The following KDM2B variants were observed in gnomAD, a reference collection of about 807,000 sequenced individuals.
The protein encoded by KDM2B is lysine-specific demethylase 2B.
KDM2B carries 26 observed loss-of-function variants against 150.0 expected under a neutral mutation model. That is an observed-to-expected ratio of 0.17 (90% CI 0.13 to 0.24). The LOEUF is 0.24. KDM2B is among the 10% of genes least tolerant of loss of function. The pLI, the probability that KDM2B is intolerant of heterozygous loss-of-function variation, is 1.00. For missense variants in KDM2B, 1,265 were observed against 1,816.9 expected (o/e 0.70, Z 5.52); for synonymous variants, 734 against 729.5 (o/e 1.01, Z -0.10).
rs891217463 is a variant in KDM2B at position 121,468,976 on chromosome 12, C to A, written c.1735-15632G>T. On this transcript the variant is annotated intron_variant, in intron 12 of 22. Coordinates refer to ENST00000377071, the MANE Select transcript of KDM2B (RefSeq NM_032590.5). The surrounding 1 kb of genome is among the most constrained non-coding windows in gnomAD (Gnocchi z 4.0). ...TGCAGTGGATCTCGGCTCACTGCAA[C>A]CTCCACCTCCTGGGTTCAATCGATT... 1.3e-5 allele frequency: 2 copies of A among 152,116 alleles called. No individual in the cohort carries two copies. The highest frequency in any genetic ancestry group is 2.4e-5 in the African/African-American group (1 of 41,412). 9.4% of individuals were successfully genotyped at this position (152,116 alleles called of 1,614,324 possible).
intron 22 of KDM2B, among the ~76,000 whole-genome samples, chr12:121,438,831 A>T (rs1442748328): frequency 2.1e-5 from 3 of 139,988 alleles, no homozygotes; most frequent in Non-Finnish European, 4.7e-5. Context: ...TTCTAAGGGT[A>T]AAAAAAAAAA....
At chr12:121,445,029 G>A (rs1454845600) in intron 14 of KDM2B, 1 of 516,828 alleles carries the variant, frequency 1.9e-6, no homozygotes, top group Non-Finnish European at 3.4e-6. Context: ...TGAGGCTCTG[G>A]AAACCCTCTC....
At chr12:121,457,675 T>C (rs1170397199) in intron 12 of KDM2B, among the ~76,000 whole-genome samples, 1 of 151,716 alleles carries the variant, frequency 6.6e-6, no homozygotes, top group Non-Finnish European at 1.5e-5. Context: ...GGCGACTTGT[T>C]GATTTTATCA....
At chr12:121,422,692 C>G in the KDM2B span, among the ~76,000 whole-genome samples, 9 of 152,236 alleles carry the variant, frequency 5.9e-5, no homozygotes, top group Non-Finnish European at 8.8e-5. Context: ...GCACCCAAAT[C>G]CATAGCCCTA....
chr12:121,538,068 G>GC (rs1888304773), intron 6 of KDM2B, among the ~76,000 whole-genome samples: 1 of 151,548 alleles, frequency 6.6e-6, no homozygotes, highest in African/African-American at 2.4e-5. Context: ...AGGACGCGGG[G>GC]CCCCCGCTCG....
chr12:121,502,014 A>C (rs56177559), intron 11 of KDM2B, among the ~76,000 whole-genome samples: 3,770 of 152,296 alleles, frequency 0.025, 142 homozygotes, highest in African/African-American at 0.087. Flanking sequence ...AAGAGGCCGC[A>C]TCAATGAACA....
chr12:121,473,826 G>A (rs1466498470), intron 12 of KDM2B, among the ~76,000 whole-genome samples: 1 of 151,628 alleles, frequency 6.6e-6, no homozygotes, highest in Non-Finnish European at 1.5e-5. Flanking sequence ...AGGTAGAAAC[G>A]ATTCAAATAT....
In KDM2B at chr12:121,494,460, C is replaced by A. The variant is rs1883688809; in HGVS notation, c.1734+119G>T. The A allele has an allele frequency of 6.0e-6, 4 of 663,786 alleles. No homozygotes were observed. The East Asian group carries it at 1.2e-4, about 19-fold the overall frequency. The allele number at this position is 663,786 out of a possible 1,614,324, so 41.1% of individuals were successfully genotyped here. On this transcript the variant is annotated intron_variant, in intron 12 of 22. Transcript: ENST00000377071. ...AAATCACCAAAATCCTTCATCTTAA[C>A]TGCGGTGCCTTCATCTCAGGAGGCC...
chr12:121,500,872 G>A (rs368618329), intron 11 of KDM2B, among the ~76,000 whole-genome samples: 32 of 152,240 alleles, frequency 2.1e-4, no homozygotes, highest in African/African-American at 6.0e-4. Context: ...AGGCCGAGGC[G>A]GGCGGATCAC....
downstream of KDM2B, chr12:121,424,435 A>G (rs1390477671): frequency 2.0e-5 from 3 of 152,344 alleles, no homozygotes; most frequent in African/African-American, 7.2e-5. Flanking sequence ...AGCACCTTCA[A>G]AGATGTCACA....
chr12:121,409,626 G>T, the KDM2B span: 1 of 152,238 alleles, frequency 6.6e-6, no homozygotes, highest in African/African-American at 2.4e-5. Flanking sequence ...AGTGAAATCA[G>T]AACCTCTGGG....
the KDM2B span, chr12:121,416,303 C>T: frequency 6.2e-7 from 1 of 1,614,152 alleles, no homozygotes; most frequent in Non-Finnish European, 8.5e-7. Context: ...TTCCACCTAC[C>T]CACCAGCAGC....
chr12:121,526,422 G>T (rs1333967758), intron 8 of KDM2B, among the ~76,000 whole-genome samples: 2 of 152,116 alleles, frequency 1.3e-5, no homozygotes. Flanking sequence ...CAAGAAGGAG[G>T]ACCAGATCCC....
intron 22 of KDM2B, among the ~76,000 whole-genome samples, chr12:121,437,617 T>C (rs1874224633): frequency 6.6e-6 from 1 of 152,142 alleles, no homozygotes; most frequent in Admixed American, 6.5e-5. Context: ...TTTAAGGCAT[T>C]GTCTCAGGTA....
chr12:121,544,461 TTAG>T (rs1888860545), intron 6 of KDM2B, among the ~76,000 whole-genome samples: 1 of 151,150 alleles, frequency 6.6e-6, no homozygotes, highest in Non-Finnish European at 1.5e-5. Flanking sequence ...AATATAAACA[TTAG>T]CCGGGTGTGT....
chr12:121,489,430 C>T lies in KDM2B; in HGVS notation c.1734+5149G>A, dbSNP rs1234207650. Among the ~76,000 whole-genome samples the T allele has an allele frequency of 5.9e-5, 9 of 151,398 alleles. 1 individual carries two copies. Among genetic ancestry groups the T allele is most frequent in the Middle Eastern group, 3.2e-3 (1 of 314 alleles). On this transcript the variant is annotated intron_variant, in intron 12 of 22. Coordinates refer to ENST00000377071, the MANE Select transcript of KDM2B (RefSeq NM_032590.5). ...GACTACAGGCGTGAGCCACCGCACC[C>T]GCCCCTGAGAAGCTTTTATTTTTTA...
At chr12:121,508,586 C>T (rs1885299724) in intron 11 of KDM2B, among the ~76,000 whole-genome samples, 1 of 152,150 alleles carries the variant, frequency 6.6e-6, no homozygotes, top group South Asian at 2.1e-4. Flanking sequence ...CCAGACGCCT[C>T]GGAGGCCTCA....
chr12:121,496,003 G>A (rs1331237034), intron 11 of KDM2B, among the ~76,000 whole-genome samples: 8 of 152,038 alleles, frequency 5.3e-5, no homozygotes, highest in African/African-American at 1.9e-4. Context: ...CCAGACTTTG[G>A]CCTTGTGTGG....
intron 22 of KDM2B, among the ~76,000 whole-genome samples, chr12:121,432,763 A>G (rs1246918645): frequency 6.6e-6 from 1 of 152,214 alleles, no homozygotes; most frequent in Admixed American, 6.5e-5. Context: ...CATCCCCAGA[A>G]TGCGTCTCAT....
Sources: allele counts gnomAD v4.1 joint callset (sites outside exome capture counted in the v4.1 genomes callset), GRCh38; gene constraint gnomAD v4.1.1; non-coding constraint Gnocchi (gnomAD v3.1); transcripts MANE v1.5; gene names NCBI Gene and HGNC (gene_info 2026-07-23, HGNC 2026-07-21).